Variants in CTNNA3 observed in about 807,000 individuals in gnomAD.
CTNNA3 encodes the protein catenin alpha 3, also known as catenin alpha-3.
In CTNNA3, 76 loss-of-function variants were observed where a neutral mutation model predicts 95.7. The ratio of observed to expected loss-of-function variants is 0.79; its 90% CI spans 0.66 to 0.96. CTNNA3 has a LOEUF of 0.96. Among genes scored for constraint, CTNNA3 ranks in the 40% least tolerant of loss-of-function variants. The pLI is 0.00. For missense variants in CTNNA3, 1,191 were observed against 1,089.8 expected (o/e 1.09, Z -1.31); for synonymous variants, 431 against 374.4 (o/e 1.15, Z -1.74).
chr10:66,322,461 A>G (rs544307750), intron 12 of CTNNA3, among the ~76,000 whole-genome samples: 3 of 152,206 alleles, frequency 2.0e-5, no homozygotes, highest in African/African-American at 7.2e-5. Context: ...GACAGAAATC[A>G]AAGTTCAGTT....
intron 11 of CTNNA3, among the ~76,000 whole-genome samples, chr10:66,469,786 T>C (rs903217874): frequency 2.6e-4 from 39 of 151,722 alleles, no homozygotes; most frequent in African/African-American, 8.5e-4. Flanking sequence ...AAGAGAAAGA[T>C]ATCTAGGAAG....
At chr10:66,604,200 A>G (rs1052463070) in intron 10 of CTNNA3, among the ~76,000 whole-genome samples, 3 of 152,176 alleles carry the variant, frequency 2.0e-5, no homozygotes, top group African/African-American at 7.2e-5. Context: ...AGGGATTAAT[A>G]ACCAGAACAT....
At chr10:65,965,069 T>C (rs532330249) in intron 17 of CTNNA3, among the ~76,000 whole-genome samples, 1 of 152,266 alleles carries the variant, frequency 6.6e-6, no homozygotes, top group South Asian at 2.1e-4. Context: ...TTGATAAAAT[T>C]TGAATATCAA....
At chr10:67,478,197 C>A (rs145970249) in intron 5 of CTNNA3, among the ~76,000 whole-genome samples, 24 of 152,040 alleles carry the variant, frequency 1.6e-4, no homozygotes, top group African/African-American at 5.1e-4. Context: ...GTAAAGTGAC[C>A]AAAACCATGA....
At chr10:67,668,838 T>C (rs1478901072) in intron 1 of CTNNA3, among the ~76,000 whole-genome samples, 4 of 142,642 alleles carry the variant, frequency 2.8e-5, no homozygotes, top group Admixed American at 6.9e-5. Context: ...GTTTCTTTTT[T>C]TTTTTTTTTT....
intron 12 of CTNNA3, among the ~76,000 whole-genome samples, chr10:66,309,555 T>C (rs1425944684): frequency 4.6e-5 from 7 of 151,416 alleles, no homozygotes; most frequent in Non-Finnish European, 1.0e-4. Flanking sequence ...CCGGGCATGG[T>C]GGCGGGCACC....
intron 7 of CTNNA3, among the ~76,000 whole-genome samples, chr10:66,967,650 C>T (rs1411441305): frequency 6.6e-6 from 1 of 151,930 alleles, no homozygotes; most frequent in Non-Finnish European, 1.5e-5. Flanking sequence ...TAAAAACTGA[C>T]ACATTTTCTA....
At chr10:65,921,981 C>T (rs969999656) in intron 17 of CTNNA3, among the ~76,000 whole-genome samples, 1 of 152,052 alleles carries the variant, frequency 6.6e-6, no homozygotes, top group Non-Finnish European at 1.5e-5. Flanking sequence ...CTCATAGCAA[C>T]CCTATGAGGT....
At position 66,691,049 on chromosome 10, in the gene CTNNA3, T is replaced by G. The variant is rs528939539; in HGVS notation, c.1282-69265A>C. Among the ~76,000 whole-genome samples, 25 of 152,306 alleles carry G rather than the reference T, an allele frequency of 1.6e-4. No individual in the cohort carries two copies. The East Asian group carries it at 4.4e-3, about 27-fold the overall frequency. ...TGATCGATGCAGAAGACGGGTGATT[T>G]CTGCATTTCCATCTGAGGTACCAGG... On this transcript the variant is annotated intron_variant, in intron 9 of 17. Coordinates refer to ENST00000433211, the MANE Select transcript of CTNNA3 (RefSeq NM_013266.4).
intron 13 of CTNNA3, among the ~76,000 whole-genome samples, chr10:66,110,190 G>C (rs573578840): frequency 6.6e-6 from 1 of 151,428 alleles, no homozygotes; most frequent in South Asian, 2.1e-4. Flanking sequence ...GTGAAACCCC[G>C]TCTCTACTAA....
At chr10:67,715,886 T>A (rs1014358207) in intron 1 of CTNNA3, among the ~76,000 whole-genome samples, 2 of 152,160 alleles carry the variant, frequency 1.3e-5, no homozygotes, top group African/African-American at 4.8e-5. Flanking sequence ...GTATTTTTTT[T>A]AAATGCAGAT....
At chr10:67,199,544 T>A (rs1341223608) in intron 6 of CTNNA3, among the ~76,000 whole-genome samples, 1 of 152,094 alleles carries the variant, frequency 6.6e-6, no homozygotes, top group Non-Finnish European at 1.5e-5. Context: ...TAATTTTTTG[T>A]ATTTTTAGTA....
chr10:66,033,035 T>C (rs1400980293), intron 15 of CTNNA3, among the ~76,000 whole-genome samples: 1 of 152,154 alleles, frequency 6.6e-6, no homozygotes, highest in Non-Finnish European at 1.5e-5. Flanking sequence ...GCTCGACATG[T>C]TCATCTCATC....
intron 1 of CTNNA3, among the ~76,000 whole-genome samples, chr10:67,671,038 C>T (rs563160504): frequency 1.1e-4 from 16 of 152,168 alleles, no homozygotes; most frequent in Admixed American, 3.3e-4. Flanking sequence ...GTAAACATTG[C>T]ATGTTTGCTC....
chr10:65,954,248 G>A (rs2077684424), intron 17 of CTNNA3, among the ~76,000 whole-genome samples: 2 of 152,168 alleles, frequency 1.3e-5, no homozygotes, highest in Admixed American at 1.3e-4. Context: ...ATTTTTTCTT[G>A]TAAATTTGTT....
intron 3 of CTNNA3, among the ~76,000 whole-genome samples, chr10:67,546,600 T>C (rs1182544777): frequency 6.6e-6 from 1 of 151,896 alleles, no homozygotes; most frequent in African/African-American, 2.4e-5. Context: ...AAAAAGAAAA[T>C]AGTATGGATT....
chr10:66,633,604 C>G (rs1845229549), intron 9 of CTNNA3, among the ~76,000 whole-genome samples: 1 of 151,922 alleles, frequency 6.6e-6, no homozygotes, highest in South Asian at 2.1e-4. Flanking sequence ...GGCGTGAACC[C>G]AGAAGGCAGA....
chr10:67,733,819 C>G (rs768235863), intron 1 of CTNNA3, among the ~76,000 whole-genome samples: 1 of 152,120 alleles, frequency 6.6e-6, no homozygotes, highest in Non-Finnish European at 1.5e-5. Flanking sequence ...TGGGCAGCTA[C>G]CTGGCAGTCA....
intron 6 of CTNNA3, among the ~76,000 whole-genome samples, chr10:67,215,197 G>C (rs1188282604): frequency 6.6e-6 from 1 of 151,922 alleles, no homozygotes; most frequent in Non-Finnish European, 1.5e-5. Flanking sequence ...CCTAACCATT[G>C]AATTTTTCAT....
Sources: allele counts gnomAD v4.1 joint callset (sites outside exome capture counted in the v4.1 genomes callset), GRCh38; gene constraint gnomAD v4.1.1; transcripts MANE v1.5; gene names NCBI Gene and HGNC (gene_info 2026-07-23, HGNC 2026-07-21).